The following USP10 variants were observed in gnomAD, a reference collection of about 807,000 sequenced individuals.
USP10 encodes the protein ubiquitin carboxyl-terminal hydrolase 10.
Under a neutral mutation model 84.5 loss-of-function variants are expected in USP10, and 22 were observed. The observed-to-expected ratio is 0.26, with a 90% CI of 0.19 to 0.37. The LOEUF is 0.37. USP10 is among the 10% of genes least tolerant of loss of function. The pLI is 1.00. For synonymous variants in USP10, 454 were observed against 387.6 expected (o/e 1.17, Z -2.01); for missense variants, 1,019 against 998.9 (o/e 1.02, Z -0.27).
intron 12 of USP10, 82 bp downstream of exon 12, chr16:84,772,767 G>A: frequency 6.5e-7 from 1 of 1,531,012 alleles, no homozygotes; most frequent in South Asian, 1.2e-5. Flanking sequence ...ATTTCTTTAT[G>A]ATGTCAAGAG....
At chr16:84,740,415 C>T (rs372729467) in intron 3 of USP10, 46 bp downstream of exon 3, 16 of 1,522,862 alleles carry the variant, frequency 1.1e-5, no homozygotes, top group South Asian at 4.7e-5. Flanking sequence ...TTTGGCCATA[C>T]GTGCTGGGTG....
At chr16:84,758,670 C>G (rs751840375) in intron 4 of USP10, 46 bp from the exon 5 acceptor site, 1 of 1,307,172 alleles carries the variant, frequency 7.7e-7, no homozygotes, top group East Asian at 2.3e-5. Context: ...GAATGTTCTT[C>G]ACTAGATGTC....
intron 4 of USP10, among the ~76,000 whole-genome samples, chr16:84,754,987 C>CAA (rs145604428): frequency 6.8e-5 from 8 of 118,208 alleles, no homozygotes; most frequent in African/African-American, 2.4e-4. Context: ...GACTTTGTCC[C>CAA]AGAAAAAAAA....
chr16:84,737,163 C>G (rs557754455), intron 2 of USP10, among the ~76,000 whole-genome samples: 1 of 152,188 alleles, frequency 6.6e-6, no homozygotes, highest in Non-Finnish European at 1.5e-5. Flanking sequence ...AAGCAGAACA[C>G]ACAGGTAGCC....
rs1910378984 is a variant in USP10, at chr16:84,739,574, C to T, written c.91-735C>T. The stretch of plus-strand genomic sequence containing the variant: ...AGGCATGAGCCACCATGCCCTGCCC[C>T]TTCCTAAACTTTCTTACACCCAATG... On this transcript the variant is annotated intron_variant, in intron 2 of 13. Coordinates refer to ENST00000219473, the MANE Select transcript of USP10 (RefSeq NM_005153.3). Among the ~76,000 whole-genome samples, 3 of 152,158 alleles carry T rather than the reference C, an allele frequency of 2.0e-5. No homozygotes were observed. In the South Asian group the frequency reaches 6.2e-4, roughly 32 times the overall value.
intron 13 of USP10, among the ~76,000 whole-genome samples, chr16:84,777,628 TTG>T (rs925188782): frequency 4.6e-5 from 7 of 152,180 alleles, no homozygotes; most frequent in African/African-American, 1.4e-4. Context: ...GAGGATTTCT[TTG>T]TGCAGAGCCC....
chr16:84,749,290 A>G (rs1033542836), intron 4 of USP10, among the ~76,000 whole-genome samples: 5 of 152,236 alleles, frequency 3.3e-5, no homozygotes, highest in African/African-American at 1.2e-4. Flanking sequence ...GTGTAGGCCC[A>G]CTTATTTTAA....
At chr16:84,723,317 G>A (rs1908053697) in intron 1 of USP10, among the ~76,000 whole-genome samples, 1 of 152,090 alleles carries the variant, frequency 6.6e-6, no homozygotes, top group South Asian at 2.1e-4. Flanking sequence ...CGTTGAATAA[G>A]TCTTATATTT....
intron 2 of USP10, among the ~76,000 whole-genome samples, chr16:84,737,260 G>A (rs1910057179): frequency 6.6e-6 from 1 of 152,230 alleles, no homozygotes; most frequent in Non-Finnish European, 1.5e-5. Flanking sequence ...TTCACACTGT[G>A]CGTTTAGCAT....
In USP10 at chr16:84,758,830, G is replaced by A. The variant is rs756505144; in HGVS notation, c.1284+23G>A. ...GCTGTATCCTTCCTGGACGCCGTCC[G>A]CAAGGCCAGCTTGTTGCAGCTGTCC... is the stretch of plus-strand genomic sequence containing the variant. On this transcript the variant is annotated intron_variant, in intron 5 of 13. Coordinates refer to ENST00000219473, the MANE Select transcript of USP10 (RefSeq NM_005153.3). 24 of 1,554,900 alleles carry A rather than the reference G, an allele frequency of 1.5e-5. 1 individual carries two copies. Among genetic ancestry groups the A allele is most frequent in the Middle Eastern group, 1.7e-4 (1 of 5,978 alleles).
At chr16:84,741,659 C>CCG (rs1910638058) in intron 3 of USP10, among the ~76,000 whole-genome samples, 1 of 152,186 alleles carries the variant, frequency 6.6e-6, no homozygotes, top group South Asian at 2.1e-4. Context: ...ACTCTGTTCC[C>CCG]TCTAAGTCCT....
intron 3 of USP10, among the ~76,000 whole-genome samples, chr16:84,743,189 A>G (rs765646412): frequency 4.6e-5 from 7 of 152,238 alleles, no homozygotes; most frequent in Non-Finnish European, 7.3e-5. Context: ...CAAAAAATAA[A>G]TAGTAGCCAA....
intron 12 of USP10, among the ~76,000 whole-genome samples, chr16:84,774,455 A>C (rs1043555321): frequency 2.0e-5 from 3 of 151,640 alleles, no homozygotes; most frequent in African/African-American, 4.9e-5. Context: ...ACTGTTCTGT[A>C]ACTGAAGTTT....
intron 1 of USP10, among the ~76,000 whole-genome samples, chr16:84,711,011 CCTCT>C (rs1476319522): frequency 2.0e-5 from 3 of 152,284 alleles, no homozygotes; most frequent in South Asian, 2.1e-4. Context: ...TGTGCCCCTC[CCTCT>C]GAGTGTGATA....
In USP10 at chr16:84,758,835, G is replaced by A. The variant is rs370488584; in HGVS notation, c.1284+28G>A. 3.9e-6 allele frequency: 6 copies of A among 1,544,382 alleles called. No individual in the cohort carries two copies. In the African/African-American group the frequency reaches 4.1e-5, roughly 11 times the overall value. On this transcript the variant is annotated intron_variant, in intron 5 of 13. Coordinates refer to ENST00000219473, the MANE Select transcript of USP10 (RefSeq NM_005153.3). ...ATCCTTCCTGGACGCCGTCCGCAAG[G>A]CCAGCTTGTTGCAGCTGTCCCTCCT...
chr16:84,769,652 G>A (rs1402713433), intron 11 of USP10, among the ~76,000 whole-genome samples: 1 of 152,162 alleles, frequency 6.6e-6, no homozygotes, highest in African/African-American at 2.4e-5. Flanking sequence ...CCTGGCCCTG[G>A]CTGCTGGTGC....
Position 84,744,884 on chromosome 16 carries a change from T to C in USP10, c.403T>C (p.Leu135=), listed in dbSNP as rs1465065904. The C allele has an allele frequency of 6.2e-7, 1 of 1,613,548 alleles. No individual in the cohort carries two copies. Among genetic ancestry groups the C allele is most frequent in the Non-Finnish European group, 8.5e-7 (1 of 1,179,716 alleles). ...DGSSNVEAEV[L]ENDGVSGGLG... The stretch of plus-strand genomic sequence containing the variant: ...AAGTTCTAATGTGGAGGCGGAAGTT[T>C]TGGAAAATGATGGTGTCTCAGGTGG... Residue 135 remains leucine, a synonymous_variant, in exon 4 of 14, where the codon TTG becomes CTG. Coordinates refer to ENST00000219473, the MANE Select transcript of USP10 (RefSeq NM_005153.3).
At chr16:84,710,900 G>A (rs372565903) in intron 1 of USP10, among the ~76,000 whole-genome samples, 3 of 152,252 alleles carry the variant, frequency 2.0e-5, no homozygotes, top group African/African-American at 7.2e-5. Flanking sequence ...GTTTTAACTT[G>A]TTGAGCCCTT....
chr16:84,755,176 C>A (rs908680737), intron 4 of USP10, among the ~76,000 whole-genome samples: 8 of 151,214 alleles, frequency 5.3e-5, no homozygotes, highest in South Asian at 2.1e-4. Context: ...CTGGTGGCTG[C>A]TTTCATTTCC....
Sources: gnomAD v4.1 joint callset for allele counts (sites outside exome capture counted in the v4.1 genomes callset) on GRCh38, gnomAD v4.1.1 for gene constraint, MANE v1.5 for transcripts, NCBI Gene and HGNC (gene_info 2026-07-23, HGNC 2026-07-21) for gene names.